KCNIP4: variants seen among roughly 807,000 people sequenced by gnomAD.
The protein encoded by KCNIP4 is potassium voltage-gated channel interacting protein 4, also known as Kv channel-interacting protein 4.
Under a neutral mutation model 34.0 loss-of-function variants are expected in KCNIP4, and 12 were observed. The ratio of observed to expected loss-of-function variants is 0.35; its 90% CI spans 0.23 to 0.57. KCNIP4 has a LOEUF of 0.57. Among genes scored for constraint, KCNIP4 ranks in the 20% least tolerant of loss-of-function variants. KCNIP4 has a pLI of 0.83. For synonymous variants in KCNIP4, 124 were observed against 102.2 expected (o/e 1.21, Z -1.29); for missense variants, 238 against 311.7 (o/e 0.76, Z 1.78).
intron 1 of KCNIP4, among the ~76,000 whole-genome samples, chr4:21,854,865 T>C (rs1465681017): frequency 2.0e-5 from 3 of 152,214 alleles, no homozygotes; most frequent in Non-Finnish European, 4.4e-5. Context: ...ATTTCATTTC[T>C]ATTAGATACT....
rs570900216 is a variant in KCNIP4, at chr4:20,846,964, G to A, written c.288+3579C>T. The stretch of plus-strand genomic sequence containing the variant: ...GTAAAGCTCCCCAGATGGTTGCAAC[G>A]TGCATTTAATTTTGAGACTGCTGAT... On this transcript the variant is annotated intron_variant, in intron 3 of 8. Transcript: ENST00000382152. Among the ~76,000 whole-genome samples, 22 of 152,234 alleles carry A rather than the reference G, an allele frequency of 1.4e-4. No homozygotes were observed. In the South Asian group the frequency reaches 3.7e-3, roughly 26 times the overall value.
rs553497056 is a variant in KCNIP4 at position 20,875,160 on chromosome 4, T to C, written c.163+7448A>G. On this transcript the variant is annotated intron_variant, in intron 2 of 8. Transcript: ENST00000382152. ...ATCTTCCTGCACAATATGTGCTGTG[T>C]ATGACGGTCCCATGTTGAGCAGGTA... 7.2e-5 allele frequency among the ~76,000 whole-genome samples: 11 copies of C among 152,282 alleles called. No individual in the cohort carries two copies. The East Asian group carries it at 2.1e-3, about 29-fold the overall frequency.
chr4:21,614,019 C>T (rs1744392494), intron 1 of KCNIP4, among the ~76,000 whole-genome samples: 1 of 151,270 alleles, frequency 6.6e-6, no homozygotes, highest in Admixed American at 6.6e-5. Flanking sequence ...GGCGTGGTAG[C>T]ATGCACCTGT....
chr4:20,865,235 G>A lies in KCNIP4; in HGVS notation c.164-14568C>T, dbSNP rs543365319. 2.0e-5 allele frequency among the ~76,000 whole-genome samples: 3 copies of A among 152,166 alleles called. No homozygotes were observed. The South Asian group carries it at 6.2e-4, about 32-fold the overall frequency. On this transcript the variant is annotated intron_variant, in intron 2 of 8. Transcript: ENST00000382152. ...AGAAGTGACTGCAGGTTGTCTGAGAGTAATGGAGGGAACATAAAGTTGAAA... is the reference window on the plus strand; with the variant it reads ...AGAAGTGACTGCAGGTTGTCTGAGAATAATGGAGGGAACATAAAGTTGAAA...
intron 1 of KCNIP4, among the ~76,000 whole-genome samples, chr4:21,385,665 T>C (rs928882462): frequency 3.9e-5 from 6 of 152,208 alleles, no homozygotes; most frequent in African/African-American, 1.4e-4. Flanking sequence ...TAGTAAATTT[T>C]GTTTTTCATT....
chr4:21,333,475 C>T (rs1274261448), intron 1 of KCNIP4, among the ~76,000 whole-genome samples: 3 of 151,966 alleles, frequency 2.0e-5, no homozygotes, highest in Non-Finnish European at 4.4e-5. Context: ...CACAATAGCA[C>T]TGTAAGGTAC....
intron 1 of KCNIP4, among the ~76,000 whole-genome samples, chr4:21,139,050 G>A (rs889601049): frequency 1.3e-5 from 2 of 152,204 alleles, no homozygotes; most frequent in African/African-American, 4.8e-5. Flanking sequence ...GCCATAGGAA[G>A]CCAATACAAT....
chr4:20,852,860 C>T (rs1721178340), intron 2 of KCNIP4, among the ~76,000 whole-genome samples: 1 of 152,138 alleles, frequency 6.6e-6, no homozygotes, highest in African/African-American at 2.4e-5. Flanking sequence ...AAATCAAGAA[C>T]TCAACCCCTT....
chr4:21,555,997 A>G (rs1738973769), intron 1 of KCNIP4, among the ~76,000 whole-genome samples: 1 of 152,158 alleles, frequency 6.6e-6, no homozygotes, highest in South Asian at 2.1e-4. Flanking sequence ...TTTAGATCCT[A>G]AATATTGCAA....
chr4:21,583,995 GA>G (rs1301356171), intron 1 of KCNIP4, among the ~76,000 whole-genome samples: 4 of 152,146 alleles, frequency 2.6e-5, no homozygotes, highest in African/African-American at 9.6e-5. Context: ...ATGCCTGGCA[GA>G]TAGCAGGCAC....
At chr4:21,257,055 A>C in intron 1 of KCNIP4, among the ~76,000 whole-genome samples, 1 of 152,342 alleles carries the variant, frequency 6.6e-6, no homozygotes, top group South Asian at 2.1e-4. Context: ...GTAGGTGCTA[A>C]ATAAATAAAC....
intron 1 of KCNIP4, among the ~76,000 whole-genome samples, chr4:20,951,248 C>T (rs1577421540): frequency 6.6e-6 from 1 of 152,058 alleles, no homozygotes; most frequent in South Asian, 2.1e-4. Flanking sequence ...TGCTGGTACC[C>T]CCTGGTCTGA....
At chr4:21,575,608 A>G (rs1469510459) in intron 1 of KCNIP4, among the ~76,000 whole-genome samples, 1 of 151,842 alleles carries the variant, frequency 6.6e-6, no homozygotes, top group Non-Finnish European at 1.5e-5. Flanking sequence ...TGTTATCTGC[A>G]TAATTTGTCA....
chr4:21,106,470 T>G lies in KCNIP4; in HGVS notation c.62-223761A>C, dbSNP rs183601600. 5.0e-3 allele frequency among the ~76,000 whole-genome samples: 752 copies of G among 151,802 alleles called. 4 individuals are homozygous for G. The highest frequency in any genetic ancestry group is 9.0e-3 in the Admixed American group (138 of 15,296). Reference sequence around the variant, plus strand: ...CCCCTTTATCATTTTTTATCGCATCTATTTGATTCTTCTCTCTTTTATTCT... The same window carrying G: ...CCCCTTTATCATTTTTTATCGCATCGATTTGATTCTTCTCTCTTTTATTCT... On this transcript the variant is annotated intron_variant, in intron 1 of 8. Transcript: ENST00000382152.
At chr4:21,376,037 T>C (rs1577259449) in intron 1 of KCNIP4, among the ~76,000 whole-genome samples, 1 of 152,320 alleles carries the variant, frequency 6.6e-6, no homozygotes, top group Non-Finnish European at 1.5e-5. Flanking sequence ...CAGTCTAAAC[T>C]TTTGACTTCT....
intron 1 of KCNIP4, among the ~76,000 whole-genome samples, chr4:21,201,365 A>G (rs2108955008): frequency 6.6e-6 from 1 of 152,348 alleles, no homozygotes; most frequent in South Asian, 2.1e-4. Context: ...ATACAGAAAG[A>G]AAGGACTGAA....
chr4:21,255,967 A>G (rs1441531544), intron 1 of KCNIP4, among the ~76,000 whole-genome samples: 1 of 152,338 alleles, frequency 6.6e-6, no homozygotes, highest in Admixed American at 6.5e-5. Context: ...GTCTGAATAA[A>G]TCACTGCCCT....
chr4:21,018,987 A>T (rs1166226077), intron 1 of KCNIP4, among the ~76,000 whole-genome samples: 4 of 152,130 alleles, frequency 2.6e-5, no homozygotes, highest in Admixed American at 2.6e-4. Flanking sequence ...TAAACCACAG[A>T]AGTGTATTTT....
intron 1 of KCNIP4, among the ~76,000 whole-genome samples, chr4:21,702,844 A>G (rs1040156959): frequency 6.6e-6 from 1 of 152,138 alleles, no homozygotes; most frequent in African/African-American, 2.4e-5. Context: ...ATGGACTCCA[A>G]ATCATAAACA....
Sources: gnomAD v4.1 joint callset for allele counts (sites outside exome capture counted in the v4.1 genomes callset) on GRCh38, gnomAD v4.1.1 for gene constraint, MANE v1.5 for transcripts, NCBI Gene and HGNC (gene_info 2026-07-23, HGNC 2026-07-21) for gene names.